The following EFNA5 variants were observed in gnomAD, a reference collection of about 807,000 sequenced individuals.
The protein encoded by EFNA5 is ephrin-A5.
Under a neutral mutation model 22.9 loss-of-function variants are expected in EFNA5, and 5 were observed. That is an observed-to-expected ratio of 0.22 (90% CI 0.11 to 0.46). EFNA5 has a LOEUF of 0.46. Ranked by LOEUF, EFNA5 falls within the 20% of genes least tolerant of loss-of-function variation. The probability of loss-of-function intolerance (pLI) is 0.99; values close to 1 mark genes in which losing one functional copy is unlikely to be tolerated. For missense variants in EFNA5, 237 were observed against 293.3 expected, an observed-to-expected ratio of 0.81 and a Z score of 1.40; for synonymous variants, 113 against 112.2, an observed-to-expected ratio of 1.01 and a Z score of -0.04.
intron 1 of EFNA5, among the ~76,000 whole-genome samples, chr5:107,552,343 T>C (rs1561430697): frequency 6.6e-6 from 1 of 152,240 alleles, no homozygotes; most frequent in African/African-American, 2.4e-5. Flanking sequence ...GGGCTGATTA[T>C]ATGCTTGGCA....
intron 1 of EFNA5, among the ~76,000 whole-genome samples, chr5:107,618,853 C>T (rs1749976076): frequency 6.6e-6 from 1 of 152,082 alleles, no homozygotes; most frequent in African/African-American, 2.4e-5. Context: ...CATCCTAACT[C>T]CTTCTTAAGG....
chr5:107,455,189 C>A (rs1749664959), intron 1 of EFNA5, among the ~76,000 whole-genome samples: 2 of 152,134 alleles, frequency 1.3e-5, no homozygotes, highest in African/African-American at 4.8e-5. Context: ...TCATGGCAGG[C>A]AAATGATTTA....
chr5:107,616,234 G>C (rs1172054314), intron 1 of EFNA5, among the ~76,000 whole-genome samples: 1 of 152,090 alleles, frequency 6.6e-6, no homozygotes, highest in Non-Finnish European at 1.5e-5. Context: ...TATAATTCAT[G>C]GTCAAGTGTG....
At chr5:107,564,178 G>C (rs1748611797) in intron 1 of EFNA5, among the ~76,000 whole-genome samples, 1 of 152,118 alleles carries the variant, frequency 6.6e-6, no homozygotes. Context: ...CCAGCAGCTG[G>C]GTCTATTTAC....
intron 1 of EFNA5, among the ~76,000 whole-genome samples, chr5:107,642,932 C>T (rs1463523630): frequency 9.2e-6 from 1 of 109,176 alleles, no homozygotes; most frequent in Non-Finnish European, 2.1e-5. Context: ...ATTTCCTCAC[C>T]TGAAAAAAAA....
Position 107,380,455 on chromosome 5 carries a change from G to C in EFNA5, c.*800C>G. 6.7e-6 allele frequency: 1 copy of C among 150,048 alleles called. No homozygotes were observed. The highest frequency in any genetic ancestry group is 1.3e-5 in the Non-Finnish European group (1 of 75,188). The allele number at this position is 150,048 out of a possible 1,614,324, so 9.3% of individuals were successfully genotyped here. On this transcript the variant is annotated 3_prime_UTR_variant, in exon 5 of 5. Coordinates refer to ENST00000333274, the MANE Select transcript of EFNA5 (RefSeq NM_001962.3). The stretch of plus-strand genomic sequence containing the variant: ...TCTGTATTCAAAGAAAAAATATCTG[G>C]TGTGCACTGCCCAGTCACCAAAAAA...
chr5:107,537,459 T>G (rs992088334), intron 1 of EFNA5, among the ~76,000 whole-genome samples: 12 of 152,040 alleles, frequency 7.9e-5, no homozygotes, highest in African/African-American at 2.9e-4. Context: ...ATTAGCTGGG[T>G]GTGGTGGCGG....
intron 1 of EFNA5, among the ~76,000 whole-genome samples, chr5:107,632,112 T>C (rs1363747150): frequency 6.6e-6 from 1 of 152,194 alleles, no homozygotes; most frequent in Non-Finnish European, 1.5e-5. Context: ...CTCTAATTCC[T>C]TCTCATCTCT....
rs74702782 is a variant in EFNA5, at chr5:107,543,719, A to C, written c.126-116210T>G. Among the ~76,000 whole-genome samples, 173 of 144,754 alleles carry C rather than the reference A, an allele frequency of 1.2e-3. 6 individuals are homozygous for C. In the South Asian group the frequency reaches 0.036, roughly 30 times the overall value. The allele number at this position is 144,754 out of a possible 152,430, so 95.0% of individuals were successfully genotyped here. On this transcript the variant is annotated intron_variant, in intron 1 of 4. Transcript: ENST00000333274. ...TGCCAAAGTATAATTTAAAAAAAAA[A>C]CCCTTTTTTCATAGGAATGAAAACC...
chr5:107,635,958 G>T (rs548858860), intron 1 of EFNA5, among the ~76,000 whole-genome samples: 23 of 152,268 alleles, frequency 1.5e-4, no homozygotes, highest in African/African-American at 5.3e-4. Flanking sequence ...TATTATTAAA[G>T]CATCAATGCT....
At chr5:107,471,618 T>C (rs1470625178) in intron 1 of EFNA5, among the ~76,000 whole-genome samples, 2 of 152,224 alleles carry the variant, frequency 1.3e-5, no homozygotes, top group Admixed American at 1.3e-4. Flanking sequence ...AACTGAATAA[T>C]GTAGCCTGGA....
At chr5:107,405,809 TA>T (rs1748193625) in intron 2 of EFNA5, among the ~76,000 whole-genome samples, 1 of 151,316 alleles carries the variant, frequency 6.6e-6, no homozygotes, top group Non-Finnish European at 1.5e-5. Flanking sequence ...CCATACTCCA[TA>T]GCACCAATTA....
chr5:107,604,650 C>G (rs936435632), intron 1 of EFNA5, among the ~76,000 whole-genome samples: 26 of 152,098 alleles, frequency 1.7e-4, no homozygotes, highest in African/African-American at 6.3e-4. Flanking sequence ...AGTTGCAACC[C>G]ACTTGCCGTG....
intron 1 of EFNA5, among the ~76,000 whole-genome samples, chr5:107,441,537 G>C (rs1436175355): frequency 6.6e-6 from 1 of 152,128 alleles, no homozygotes. Flanking sequence ...GTTTAGTTCT[G>C]AATCCTAAGA....
intron 2 of EFNA5, among the ~76,000 whole-genome samples, chr5:107,394,268 C>T (rs1442873828): frequency 1.3e-5 from 2 of 152,182 alleles, no homozygotes; most frequent in East Asian, 1.9e-4. Context: ...TTGCAGCCCA[C>T]TGCGTCTCAA....
chr5:107,465,275 C>T (rs967129418), intron 1 of EFNA5, among the ~76,000 whole-genome samples: 1 of 152,162 alleles, frequency 6.6e-6, no homozygotes, highest in African/African-American at 2.4e-5. Context: ...TGAACATCAA[C>T]ATTTTAAGCC....
intron 1 of EFNA5, among the ~76,000 whole-genome samples, chr5:107,448,704 C>T (rs1030229007): frequency 6.6e-6 from 1 of 151,822 alleles, no homozygotes. Context: ...GTGGTGTGCG[C>T]CTGTAATCCC....
intron 1 of EFNA5, among the ~76,000 whole-genome samples, chr5:107,634,506 T>A (rs1750332157): frequency 6.8e-6 from 1 of 147,288 alleles, no homozygotes; most frequent in Non-Finnish European, 1.5e-5. Flanking sequence ...ACAAATGAGA[T>A]CCTCTCACAA....
intron 1 of EFNA5, among the ~76,000 whole-genome samples, chr5:107,525,561 G>T (rs1008254365): frequency 6.6e-6 from 1 of 151,960 alleles, no homozygotes; most frequent in Non-Finnish European, 1.5e-5. Flanking sequence ...ATTTTTTTAT[G>T]TATTATATAC....
Sources: allele counts gnomAD v4.1 joint callset (sites outside exome capture counted in the v4.1 genomes callset), GRCh38; gene constraint gnomAD v4.1.1; transcripts MANE v1.5; gene names NCBI Gene and HGNC (gene_info 2026-07-23, HGNC 2026-07-21).